PRRX1: variants seen among roughly 807,000 people sequenced by gnomAD.
PRRX1 encodes paired mesoderm homeobox protein 1.
A neutral mutation model predicts 24.0 loss-of-function variants in PRRX1; 8 were observed. The observed-to-expected ratio is 0.33, with a 90% CI of 0.20 to 0.60. The LOEUF (loss-of-function observed/expected upper bound fraction) is 0.60. Among genes scored for constraint, PRRX1 ranks in the 20% least tolerant of loss-of-function variants. The pLI is 0.82. For synonymous variants in PRRX1, 160 were observed against 131.7 expected (o/e 1.22, Z -1.47); for missense variants, 281 against 322.4 (o/e 0.87, Z 0.98).
chr1:170,666,690 C>G (rs750329682), intron 1 of PRRX1, among the ~76,000 whole-genome samples: 1 of 152,074 alleles, frequency 6.6e-6, no homozygotes, highest in Non-Finnish European at 1.5e-5. Context: ...CCAAGGCCAG[C>G]GGCCTCGGCC....
chr1:170,735,860 G>A (rs1043499913), intron 3 of PRRX1, among the ~76,000 whole-genome samples, 188 bp from the exon 4 acceptor site: 1 of 152,014 alleles, frequency 6.6e-6, no homozygotes, highest in African/African-American at 2.4e-5. Context: ...TTCAAAACAT[G>A]ACCACTCTTC....
intron 1 of PRRX1, among the ~76,000 whole-genome samples, chr1:170,688,505 G>A (rs1161293076): frequency 6.6e-6 from 1 of 151,834 alleles, no homozygotes; most frequent in Admixed American, 6.6e-5. Context: ...AATGTTCAGG[G>A]TTATACAGAT....
At chr1:170,678,620 G>T (rs1010115761) in intron 1 of PRRX1, among the ~76,000 whole-genome samples, 1 of 152,164 alleles carries the variant, frequency 6.6e-6, no homozygotes, top group African/African-American at 2.4e-5. Flanking sequence ...TTATCATATT[G>T]TGTAGGATCT....
At chr1:170,678,977 G>A (rs1162431714) in intron 1 of PRRX1, among the ~76,000 whole-genome samples, 2 of 152,140 alleles carry the variant, frequency 1.3e-5, no homozygotes, top group African/African-American at 2.4e-5. Flanking sequence ...TATCCCAGAT[G>A]ATTTTTATAT....
intron 1 of PRRX1, among the ~76,000 whole-genome samples, chr1:170,687,882 C>A (rs1653800024): frequency 6.6e-6 from 1 of 151,954 alleles, no homozygotes; most frequent in Admixed American, 6.6e-5. Context: ...TCAGGAGACA[C>A]CGGGGTCAAA....
chr1:170,664,213 G>GA lies in PRRX1; in HGVS notation c.-5dup. 1 of 1,608,814 alleles carries GA rather than the reference G, an allele frequency of 6.2e-7. No individual in the cohort carries two copies. Among genetic ancestry groups the GA allele is most frequent in the Non-Finnish European group, 8.5e-7 (1 of 1,178,046 alleles). Reference sequence around the variant, plus strand: ...AGGGGGGTGGGTGGGATCGGTGGGGGAGACCATGACCTCCAGCTACGGGCA... The same window carrying GA: ...AGGGGGGTGGGTGGGATCGGTGGGGGAAGACCATGACCTCCAGCTACGGGCA... On this transcript the variant is annotated 5_prime_UTR_variant, in exon 1 of 4. Coordinates refer to ENST00000239461, the MANE Select transcript of PRRX1 (RefSeq NM_022716.4).
intron 1 of PRRX1, among the ~76,000 whole-genome samples, chr1:170,717,138 A>C (rs549788603): frequency 6.6e-6 from 1 of 152,238 alleles, no homozygotes; most frequent in Non-Finnish European, 1.5e-5. Flanking sequence ...CATGATCTGA[A>C]CTAGTGTTTT....
chr1:170,726,712 T>A, intron 3 of PRRX1: 1 of 277,588 alleles, frequency 3.6e-6, no homozygotes, highest in Non-Finnish European at 6.8e-6. Flanking sequence ...GTGTTCCTCT[T>A]GCAACAATTC....
chr1:170,708,764 C>G (rs1161885320), intron 1 of PRRX1, among the ~76,000 whole-genome samples: 2 of 152,158 alleles, frequency 1.3e-5, no homozygotes, highest in South Asian at 2.1e-4. Context: ...ACTTTCTAAT[C>G]AGAATAATTA....
chr1:170,664,044 A>ATT, upstream of PRRX1: 1 of 533,972 alleles, frequency 1.9e-6, no homozygotes, highest in Non-Finnish European at 2.9e-6. Context: ...CCTCTTTTCC[A>ATT]ATTTTTTTTT....
In PRRX1 at chr1:170,713,536, GA is replaced by G. The variant is rs1420146764; in HGVS notation, c.242-6189del. 3.9e-5 allele frequency among the ~76,000 whole-genome samples: 6 copies of G among 152,302 alleles called. No individual in the cohort carries two copies. In the East Asian group the frequency reaches 1.2e-3, roughly 29 times the overall value. On this transcript the variant is annotated intron_variant, in intron 1 of 3. Coordinates refer to ENST00000239461, the MANE Select transcript of PRRX1 (RefSeq NM_022716.4). ...GCTAAAAACAGTGCAAATCACCTTA[GA>G]GTACCTCACATTCTTGAGTGTTTTC...
intron 1 of PRRX1, among the ~76,000 whole-genome samples, chr1:170,713,536 G>T (rs564541596): frequency 6.6e-6 from 1 of 152,302 alleles, no homozygotes; most frequent in South Asian, 2.1e-4. Flanking sequence ...AATCACCTTA[G>T]AGTACCTCAC....
intron 1 of PRRX1, among the ~76,000 whole-genome samples, chr1:170,704,575 G>A (rs541817450): frequency 4.0e-4 from 61 of 152,306 alleles, no homozygotes; most frequent in African/African-American, 1.4e-3. Context: ...GTTCTTAAAG[G>A]AACCTTGAGA....
At chr1:170,734,617 G>C (rs1655546441) in intron 3 of PRRX1, among the ~76,000 whole-genome samples, 1 of 151,940 alleles carries the variant, frequency 6.6e-6, no homozygotes, top group Admixed American at 6.6e-5. Context: ...GGATCCTTTT[G>C]AAACCTTTCT....
intron 1 of PRRX1, among the ~76,000 whole-genome samples, chr1:170,673,093 C>G (rs1653198497): frequency 6.6e-6 from 1 of 152,118 alleles, no homozygotes. Context: ...TTTATAATAG[C>G]TAAGTTAGAG....
chr1:170,709,518 G>A (rs935828900), intron 1 of PRRX1, among the ~76,000 whole-genome samples: 2 of 152,140 alleles, frequency 1.3e-5, no homozygotes, highest in Admixed American at 6.5e-5. Context: ...ACTCTCTTTG[G>A]TATATCTGTC....
chr1:170,664,034 C>A, upstream of PRRX1: 1 of 579,024 alleles, frequency 1.7e-6, no homozygotes, highest in Non-Finnish European at 2.8e-6. Context: ...GGTCCCCCAC[C>A]CTCTTTTCCA....
intron 3 of PRRX1, chr1:170,728,746 G>T (rs1388428806): frequency 6.6e-6 from 1 of 152,010 alleles, no homozygotes; most frequent in Non-Finnish European, 1.5e-5. Context: ...TTATATTTTG[G>T]TTGATTTCTA....
At chr1:170,667,506 G>A (rs1161773458) in intron 1 of PRRX1, 3 of 152,204 alleles carry the variant, frequency 2.0e-5, no homozygotes, top group Non-Finnish European at 4.4e-5. Context: ...TAGTTTTTGG[G>A]CTCCCATCAA....
Sources: gnomAD v4.1 joint callset for allele counts (sites outside exome capture counted in the v4.1 genomes callset) on GRCh38, gnomAD v4.1.1 for gene constraint, MANE v1.5 for transcripts, NCBI Gene and HGNC (gene_info 2026-07-23, HGNC 2026-07-21) for gene names.